MTA1: variants seen among roughly 807,000 people sequenced by gnomAD.
MTA1 encodes metastasis associated 1.
MTA1 carries 15 observed loss-of-function variants against 97.0 expected under a neutral mutation model. The observed-to-expected ratio is 0.15, with a 90% CI of 0.10 to 0.24. MTA1 has a LOEUF of 0.24. MTA1 is among the 10% of genes least tolerant of loss of function. The pLI is 1.00. For missense variants in MTA1, 709 were observed against 1,015.1 expected, an observed-to-expected ratio of 0.70 and a Z score of 4.10; for synonymous variants, 435 against 417.5, an observed-to-expected ratio of 1.04 and a Z score of -0.51.
intron 16 of MTA1, 26 bp downstream of exon 16, chr14:105,465,209 C>T (rs1555432434): frequency 2.0e-6 from 3 of 1,486,260 alleles, no homozygotes; most frequent in South Asian, 1.3e-5. Context: ...TGCTGGGGGG[C>T]TCCCAATGCT....
intron 1 of MTA1, among the ~76,000 whole-genome samples, chr14:105,434,490 C>CTTTTTTT (rs140991917): frequency 1.2e-5 from 1 of 86,952 alleles, no homozygotes; most frequent in African/African-American, 3.7e-5. Flanking sequence ...AGAAAGAGGA[C>CTTTTTTT]TTTTTTTTTT....
intron 7 of MTA1, among the ~76,000 whole-genome samples, chr14:105,456,753 C>T (rs2083168241): frequency 6.6e-6 from 1 of 152,220 alleles, no homozygotes; most frequent in African/African-American, 2.4e-5. Context: ...TCTTGGCCGT[C>T]AGGGAGCTAG....
At position 105,420,679 on chromosome 14, in the gene MTA1, T is replaced by C. The variant is rs1236938521; in HGVS notation, c.28+616T>C. Among the ~76,000 whole-genome samples the C allele has an allele frequency of 6.6e-6, 1 of 152,138 alleles. No homozygotes were observed. The highest frequency in any genetic ancestry group is 1.9e-4 in the East Asian group (1 of 5,186). On this transcript the variant is annotated intron_variant, in intron 1 of 20. Transcript: ENST00000331320. The surrounding 1 kb of genome is among the most constrained non-coding windows in gnomAD (Gnocchi z 5.3). The stretch of plus-strand genomic sequence containing the variant: ...CCTGCCTCTCGCTCACCTCAGCCCA[T>C]TCGGGAGGCGCTTTGCAAGGGTTGG...
chr14:105,441,721 G>T (rs1435381555), intron 2 of MTA1, among the ~76,000 whole-genome samples: 1 of 152,270 alleles, frequency 6.6e-6, no homozygotes, highest in East Asian at 1.9e-4. Context: ...GTGAACCCGG[G>T]AGGTGGAGCT....
chr14:105,460,973 A>G lies in MTA1; in HGVS notation c.942+20A>G, dbSNP rs782787401. On this transcript the variant is annotated intron_variant, in intron 10 of 20. Coordinates refer to ENST00000331320, the MANE Select transcript of MTA1 (RefSeq NM_004689.4). ...GATTTTGTGAGTACCGTGGGTGGCG[A>G]TGGGGGAGTGGCTGGCCATGCCCAT... is the stretch of plus-strand genomic sequence containing the variant. The G allele has an allele frequency of 6.3e-7, 1 of 1,598,032 alleles. No individual in the cohort carries two copies. The highest frequency in any genetic ancestry group is 8.5e-7 in the Non-Finnish European group (1 of 1,171,880).
intron 1 of MTA1, among the ~76,000 whole-genome samples, chr14:105,433,523 C>T (rs1785374386): frequency 6.6e-6 from 1 of 152,172 alleles, no homozygotes; most frequent in African/African-American, 2.4e-5. Flanking sequence ...AGGGTCAGAC[C>T]TCTCTGGAAG....
At chr14:105,466,773 G>C in intron 18 of MTA1, 31 bp downstream of exon 18, 3 of 1,554,368 alleles carry the variant, frequency 1.9e-6, no homozygotes, top group Non-Finnish European at 2.6e-6. Flanking sequence ...CGGGCGCTGC[G>C]CCGGCCCCGC....
At chr14:105,453,493 GAGCGAGAC>G (rs2083023508) in intron 6 of MTA1, among the ~76,000 whole-genome samples, 1 of 151,204 alleles carries the variant, frequency 6.6e-6, no homozygotes, top group Admixed American at 6.6e-5. Flanking sequence ...CTGGGCGACG[GAGCGAGAC>G]CATGTTTCGA....
intron 18 of MTA1, chr14:105,466,956 G>A: frequency 1.7e-6 from 1 of 590,578 alleles, no homozygotes; most frequent in African/African-American, 1.9e-5. Flanking sequence ...CGGCCCCCTG[G>A]CCCCGCCTCC....
chr14:105,434,991 G>A (rs1329542003), intron 1 of MTA1, among the ~76,000 whole-genome samples: 2 of 152,118 alleles, frequency 1.3e-5, no homozygotes, highest in African/African-American at 4.8e-5. Flanking sequence ...TGTACTGGCT[G>A]GGACTTCCTC....
chr14:105,449,147 G>T, intron 3 of MTA1: 1 of 533,980 alleles, frequency 1.9e-6, no homozygotes, highest in Non-Finnish European at 3.3e-6. Flanking sequence ...TCCCAAAGAG[G>T]CTTGGCACTG....
Position 105,451,775 on chromosome 14 carries a change from C to CT in MTA1, c.432+1458dup, listed in dbSNP as rs1436886470. 1.2e-3 allele frequency among the ~76,000 whole-genome samples: 142 copies of CT among 118,258 alleles called. 13 individuals are homozygous for CT. Among genetic ancestry groups the CT allele is most frequent in the African/African-American group, 1.2e-3 (38 of 31,830 alleles). 77.6% of individuals were successfully genotyped at this position (118,258 alleles called of 152,430 possible). On this transcript the variant is annotated intron_variant, in intron 6 of 20. Transcript: ENST00000331320. ...CAGCCCTTCCCCCCTTTTTCTTTTT[C>CT]TTTTTTTGTTTTTTTTTTTTTTTTT...
intron 2 of MTA1, among the ~76,000 whole-genome samples, chr14:105,441,607 A>T (rs1368829533): frequency 6.6e-6 from 1 of 152,204 alleles, no homozygotes; most frequent in South Asian, 2.1e-4. Flanking sequence ...ATCCTGGCTA[A>T]TACGGTGAAA....
chr14:105,443,486 C>T (rs994859717), intron 2 of MTA1, among the ~76,000 whole-genome samples: 2 of 152,228 alleles, frequency 1.3e-5, no homozygotes, highest in African/African-American at 2.4e-5. Context: ...ATCCTCTCAC[C>T]TCAGCCTCCC....
At chr14:105,421,090 G>T (rs1209878828) in intron 1 of MTA1, among the ~76,000 whole-genome samples, 2 of 151,760 alleles carry the variant, frequency 1.3e-5, no homozygotes, top group African/African-American at 4.8e-5. Context: ...GGTCTGGCCG[G>T]CCAGTCCTGT....
intron 4 of MTA1, 28 bp from the exon 5 acceptor site, chr14:105,450,030 G>C (rs1555428180): frequency 6.2e-7 from 1 of 1,613,264 alleles, no homozygotes; most frequent in South Asian, 1.1e-5. Context: ...GTCTGCCGCG[G>C]TGCTGACAGG....
Position 105,469,835 on chromosome 14 carries a change from C to A in MTA1, c.1846-6C>A. 1 of 1,601,586 alleles carries A rather than the reference C, an allele frequency of 6.2e-7. No homozygotes were observed. Among genetic ancestry groups the A allele is most frequent in the Non-Finnish European group, 8.5e-7 (1 of 1,174,926 alleles). On this transcript the variant is annotated splice_region_variant and splice_polypyrimidine_tract_variant and intron_variant, in intron 19 of 20. Transcript: ENST00000331320. ...TGGCTGCCCAGGAAGTGCACCCCCT[C>A]TGCAGGGACCAAGCCGGAACCTCCT...
rs368581140 is a variant in MTA1 at position 105,455,312 on chromosome 14, G to C, written c.550+1002G>C. Among the ~76,000 whole-genome samples, 16 of 152,336 alleles carry C rather than the reference G, an allele frequency of 1.1e-4. No individual in the cohort carries two copies. In the East Asian group the frequency reaches 3.1e-3, roughly 29 times the overall value. On this transcript the variant is annotated intron_variant, in intron 7 of 20. Transcript: ENST00000331320. The stretch of plus-strand genomic sequence containing the variant: ...CCCACCCTTGAGGCCTGCTGGGGCC[G>C]TGGAGCTCCGACGCAGTGCTCACCC...
At chr14:105,448,995 C>T (rs972175958) in intron 3 of MTA1, 10 of 226,814 alleles carry the variant, frequency 4.4e-5, no homozygotes, top group Non-Finnish European at 7.7e-5. Context: ...GGGTTCCTAG[C>T]ACAGGGCAGG....
Sources: gnomAD v4.1 joint callset for allele counts (sites outside exome capture counted in the v4.1 genomes callset) on GRCh38, gnomAD v4.1.1 for gene constraint, Gnocchi (gnomAD v3.1) non-coding constraint, MANE v1.5 for transcripts, NCBI Gene and HGNC (gene_info 2026-07-23, HGNC 2026-07-21) for gene names.